EYS: variants seen among roughly 807,000 people sequenced by gnomAD.
EYS encodes the protein EGF-like photoreceptor maintenance factor.
Under a neutral mutation model 282.1 loss-of-function variants are expected in EYS, and 250 were observed. The ratio of observed to expected loss-of-function variants is 0.89; its 90% CI spans 0.80 to 0.98. EYS has a LOEUF of 0.98. Ranked by LOEUF, EYS falls within the 50% of genes least tolerant of loss-of-function variation. The pLI, the probability that EYS is intolerant of heterozygous loss-of-function variation, is 0.00. For missense variants in EYS, 4,016 were observed against 3,709.0 expected (o/e 1.08, Z -2.15); for synonymous variants, 1,355 against 1,282.9 (o/e 1.06, Z -1.20).
intron 31 of EYS, among the ~76,000 whole-genome samples, chr6:64,149,468 C>G (rs1774629271): frequency 6.6e-6 from 1 of 152,140 alleles, no homozygotes; most frequent in South Asian, 2.1e-4. Flanking sequence ...TAAATATTCT[C>G]TTAGATGGGC....
chr6:64,106,764 T>G lies in EYS; in HGVS notation c.6425-24762A>C, dbSNP rs1032252284. Reference sequence around the variant, plus strand: ...GCCATTATTGCTTCAAATATTTCTTTTTTCCATTCTCTCCTTTTTCTTCTT... The same window carrying G: ...GCCATTATTGCTTCAAATATTTCTTGTTTCCATTCTCTCCTTTTTCTTCTT... On this transcript the variant is annotated intron_variant, in intron 31 of 42. Transcript: ENST00000503581. Among the ~76,000 whole-genome samples the G allele has an allele frequency of 3.9e-5, 6 of 152,028 alleles. No homozygotes were observed. In the South Asian group the frequency reaches 8.3e-4, roughly 21 times the overall value.
chr6:65,508,297 A>C (rs1487378541), intron 2 of EYS, among the ~76,000 whole-genome samples: 1 of 152,126 alleles, frequency 6.6e-6, no homozygotes, highest in Non-Finnish European at 1.5e-5. Flanking sequence ...GGGAAATGAT[A>C]TAATCTATGA....
At chr6:64,646,403 T>C (rs533465182) in intron 22 of EYS, among the ~76,000 whole-genome samples, 8 of 152,214 alleles carry the variant, frequency 5.3e-5, no homozygotes, top group Non-Finnish European at 7.3e-5. Context: ...TTCTGACTCA[T>C]ATAATGGTAA....
chr6:65,069,044 C>T (rs1234512602), intron 12 of EYS, among the ~76,000 whole-genome samples: 2 of 151,964 alleles, frequency 1.3e-5, no homozygotes, highest in African/African-American at 4.8e-5. Flanking sequence ...TCGTAATCTT[C>T]ATGTTTACAC....
At chr6:65,340,574 T>C (rs1315085595) in intron 10 of EYS, among the ~76,000 whole-genome samples, 1 of 151,058 alleles carries the variant, frequency 6.6e-6, no homozygotes, top group East Asian at 2.0e-4. Flanking sequence ...ACATAAAGAC[T>C]CACTTTAAAG....
intron 29 of EYS, among the ~76,000 whole-genome samples, chr6:64,384,237 G>A (rs1772839606): frequency 6.6e-6 from 1 of 152,078 alleles, no homozygotes; most frequent in Non-Finnish European, 1.5e-5. Flanking sequence ...TGCTTTACCA[G>A]TGTCCCTATT....
At chr6:65,148,767 C>G (rs1347739134) in intron 12 of EYS, among the ~76,000 whole-genome samples, 1 of 152,096 alleles carries the variant, frequency 6.6e-6, no homozygotes, top group Non-Finnish European at 1.5e-5. Context: ...CCTGGACATC[C>G]AGGCATTTCC....
At chr6:64,874,249 G>C (rs1349979436) in intron 19 of EYS, among the ~76,000 whole-genome samples, 1 of 152,094 alleles carries the variant, frequency 6.6e-6, no homozygotes, top group East Asian at 1.9e-4. Flanking sequence ...TTACATGGTT[G>C]TTAAGATTTA....
chr6:63,987,754 A>G (rs914495053), intron 34 of EYS, among the ~76,000 whole-genome samples: 2 of 151,644 alleles, frequency 1.3e-5, no homozygotes, highest in Non-Finnish European at 3.0e-5. Context: ...CATTGCCAGA[A>G]TTAAAAAACT....
intron 7 of EYS, among the ~76,000 whole-genome samples, chr6:65,402,254 A>T (rs1293498281): frequency 2.0e-5 from 3 of 151,866 alleles, no homozygotes; most frequent in African/African-American, 7.2e-5. Context: ...CCGTATACCT[A>T]AATTATGCTT....
intron 22 of EYS, among the ~76,000 whole-genome samples, chr6:64,674,729 A>AACAC (rs70999158): frequency 0.22 from 32,414 of 148,008 alleles, 3,560 homozygotes; most frequent in East Asian, 0.36. Flanking sequence ...TTCTGTCATT[A>AACAC]ACACACACAC....
chr6:63,840,411 G>T (rs1187355712), intron 36 of EYS, among the ~76,000 whole-genome samples: 1 of 151,886 alleles, frequency 6.6e-6, no homozygotes, highest in Non-Finnish European at 1.5e-5. Flanking sequence ...AGTTGCTTGA[G>T]TTCCTTGTAT....
chr6:64,814,338 G>A (rs983516874), intron 21 of EYS, among the ~76,000 whole-genome samples: 2 of 151,914 alleles, frequency 1.3e-5, no homozygotes, highest in Non-Finnish European at 2.9e-5. Context: ...TGCACAAAAT[G>A]GTGATAATAT....
At chr6:64,224,696 T>A (rs1436461262) in intron 31 of EYS, among the ~76,000 whole-genome samples, 2 of 152,160 alleles carry the variant, frequency 1.3e-5, no homozygotes, top group Non-Finnish European at 2.9e-5. Context: ...GTTTTGGTGA[T>A]GTATTTACAT....
intron 22 of EYS, among the ~76,000 whole-genome samples, chr6:64,726,829 G>A (rs1020515389): frequency 6.6e-6 from 1 of 152,050 alleles, no homozygotes; most frequent in East Asian, 1.9e-4. Flanking sequence ...ATAAGACAGG[G>A]CTCCATAGAA....
chr6:65,073,717 AC>A (rs1773966830), intron 12 of EYS, among the ~76,000 whole-genome samples: 3 of 151,844 alleles, frequency 2.0e-5, no homozygotes, highest in Non-Finnish European at 2.9e-5. Context: ...TTGAGACTAG[AC>A]TTTTATTATG....
chr6:64,616,633 G>A (rs750432919), intron 24 of EYS, among the ~76,000 whole-genome samples: 1 of 152,026 alleles, frequency 6.6e-6, no homozygotes, highest in Non-Finnish European at 1.5e-5. Flanking sequence ...TCACTTCTGA[G>A]AAGGAGTTTC....
intron 2 of EYS, among the ~76,000 whole-genome samples, chr6:65,570,149 C>T (rs1158840119): frequency 6.6e-6 from 1 of 151,998 alleles, no homozygotes; most frequent in Non-Finnish European, 1.5e-5. Context: ...AAGTTATTTT[C>T]CTCTAGGGAA....
rs891104287 is a variant in EYS at position 64,434,195 on chromosome 6, C to A, written c.5927+1979G>T. On this transcript the variant is annotated intron_variant, in intron 28 of 42. Transcript: ENST00000503581. ...GACACAGAGAGAATACAGCCATCTA[C>A]AAGCAAAAGGAGACCTCAAAAGAAA... Among the ~76,000 whole-genome samples, 5 of 152,084 alleles carry A rather than the reference C, an allele frequency of 3.3e-5. No homozygotes were observed. In the South Asian group the frequency reaches 1.0e-3, roughly 32 times the overall value.
Sources: gnomAD v4.1 joint callset for allele counts (sites outside exome capture counted in the v4.1 genomes callset) on GRCh38, gnomAD v4.1.1 for gene constraint, MANE v1.5 for transcripts, NCBI Gene and HGNC (gene_info 2026-07-23, HGNC 2026-07-21) for gene names.